The following CEP135 variants were observed in gnomAD, a reference collection of about 807,000 sequenced individuals.
The protein encoded by CEP135 is centrosomal protein 135, also known as centrosomal protein of 135 kDa.
A neutral mutation model predicts 157.3 loss-of-function variants in CEP135; 142 were observed. The observed-to-expected ratio is 0.90, with a 90% confidence interval of 0.79 to 1.04. CEP135 has a LOEUF of 1.04. Among genes scored for constraint, CEP135 ranks in the 50% least tolerant of loss-of-function variants. CEP135 has a pLI of 0.00. For missense variants in CEP135, 1,317 were observed against 1,309.2 expected, an observed-to-expected ratio of 1.01 and a Z score of -0.09; for synonymous variants, 396 against 439.8, an observed-to-expected ratio of 0.90 and a Z score of 1.25.
rs753187108 is a variant in CEP135, at chr4:55,985,376, AT to A, written c.1857+21del. ...ATCATCAGGTAATGTATCAAACTGGATTTGGGGTATCTTGTGTTATATGAAT... is the reference window on the plus strand; with the variant it reads ...ATCATCAGGTAATGTATCAAACTGGATTGGGGTATCTTGTGTTATATGAAT... On this transcript the variant is annotated intron_variant, in intron 14 of 25. Coordinates refer to ENST00000257287, the MANE Select transcript of CEP135 (RefSeq NM_025009.5). 1 of 1,411,492 alleles carries A rather than the reference AT, an allele frequency of 7.1e-7. No individual in the cohort carries two copies. The highest frequency in any genetic ancestry group is 1.4e-5 in the African/African-American group (1 of 71,244). 87.4% of individuals were successfully genotyped at this position (1,411,492 alleles called of 1,614,324 possible).
At chr4:55,965,350 A>G (rs1728808981) in intron 7 of CEP135, 2 of 262,034 alleles carry the variant, frequency 7.6e-6, no homozygotes, top group South Asian at 1.0e-4. Context: ...ATTGAACAAC[A>G]CAGTCTATTA....
rs1285875404 is a variant in CEP135, at chr4:55,974,979, C to G, written c.1473+10C>G. The G allele has an allele frequency of 1.9e-6, 3 of 1,562,720 alleles. No homozygotes were observed. The highest frequency in any genetic ancestry group is 2.7e-5 in the African/African-American group (2 of 73,252). ...TAGAACACCAGAAAAGGTAATGTCC[C>G]TTTATAAGAGTAGGCCAGAAAGTAT... On this transcript the variant is annotated intron_variant, in intron 11 of 25. Coordinates refer to ENST00000257287, the MANE Select transcript of CEP135 (RefSeq NM_025009.5).
At chr4:55,960,886 A>G (rs1404876383) in intron 6 of CEP135, 2 of 141,676 alleles carry the variant, frequency 1.4e-5, no homozygotes, top group Non-Finnish European at 3.0e-5. Flanking sequence ...AGATCCCGCC[A>G]CTGCACTCCA....
intron 14 of CEP135, among the ~76,000 whole-genome samples, chr4:55,987,801 T>C (rs1729638182): frequency 6.6e-6 from 1 of 152,164 alleles, no homozygotes; most frequent in Non-Finnish European, 1.5e-5. Context: ...GTTAAAATGT[T>C]GGAGAATAGC....
At chr4:55,964,496 G>T (rs942681457) in intron 7 of CEP135, 94 bp downstream of exon 7, 2 of 1,023,698 alleles carry the variant, frequency 2.0e-6, no homozygotes, top group Non-Finnish European at 2.6e-6. Flanking sequence ...TGTAAAAGTG[G>T]CAGGAGTTGT....
chr4:56,023,493 A>T (rs920953953), intron 24 of CEP135, among the ~76,000 whole-genome samples: 2 of 151,326 alleles, frequency 1.3e-5, no homozygotes, highest in Admixed American at 6.6e-5. Flanking sequence ...TGTAAGTTCT[A>T]CCCTCCATAG....
At position 56,011,514 on chromosome 4, in the gene CEP135, G is replaced by C. The variant is rs1577907416; in HGVS notation, c.2608G>C (p.Ala870Pro). ...TEVSRWESLM[A>P]AKEKENQDLL... is the part of the protein sequence containing the mutation. The stretch of plus-strand genomic sequence containing the variant: ...GGTGTCACGATGGGAGAGCTTAATG[G>C]CTGCCAAGGTGAAAAATATTATTTA... Residue 870 changes from alanine (A) to proline (P), a missense_variant, in exon 20 of 26, where the codon GCT becomes CCT. Ala to Pro is a conservative substitution (Grantham distance 27). Transcript: ENST00000257287. 1 of 1,596,416 alleles carries C rather than the reference G, an allele frequency of 6.3e-7. No homozygotes were observed. Among genetic ancestry groups the C allele is most frequent in the African/African-American group, 1.4e-5 (1 of 73,878 alleles).
In CEP135 at chr4:56,004,179, G is replaced by A. The variant is rs73240506; in HGVS notation, c.2281-4148G>A. The stretch of plus-strand genomic sequence containing the variant: ...TTCTTCATTGACCCATTGGTCATTC[G>A]AGAGCAACTGTTGTTTAATTTCCAT... On this transcript the variant is annotated intron_variant, in intron 17 of 25. Coordinates refer to ENST00000257287, the MANE Select transcript of CEP135 (RefSeq NM_025009.5). Among the ~76,000 whole-genome samples the A allele has an allele frequency of 5.6e-3, 848 of 152,008 alleles. 6 individuals carry two copies. Among genetic ancestry groups the A allele is most frequent in the Non-Finnish European group, 7.9e-3 (538 of 67,994 alleles).
At position 55,991,996 on chromosome 4, in the gene CEP135, G is replaced by C; in HGVS notation, c.1920G>C (p.Ser640=). The C allele has an allele frequency of 3.8e-6, 6 of 1,594,296 alleles. No individual in the cohort carries two copies. The highest frequency in any genetic ancestry group is 5.1e-6 in the Non-Finnish European group (6 of 1,165,682). The change falls in exon 15 of 26, where the codon TCG becomes TCC. Residue 640 remains serine, a synonymous_variant. Transcript: ENST00000257287. ...TAATAATGAAAGAAACAATAGAGTC[G>C]TTAGAGAACAAATTAAAAGTCCAAG... The part of the protein sequence containing the change: ...KVLIMKETIE[S]LENKLKVQAQ...
intron 6 of CEP135, 140 bp downstream of exon 6, chr4:55,959,906 T>C: frequency 1.4e-6 from 1 of 739,654 alleles, no homozygotes; most frequent in Non-Finnish European, 2.3e-6. Context: ...TTAATAGAGT[T>C]AATAGCTGGA....
At chr4:56,024,061 ATATAT>A (rs966403868) in intron 24 of CEP135, among the ~76,000 whole-genome samples, 13 of 143,178 alleles carry the variant, frequency 9.1e-5, no homozygotes, top group East Asian at 8.2e-4. Context: ...TATATGTTAC[ATATAT>A]TATATATTAT....
chr4:55,995,670 ATAAAAACCATTTAAACATG>A (rs1431543145), intron 15 of CEP135, among the ~76,000 whole-genome samples: 2 of 152,232 alleles, frequency 1.3e-5, no homozygotes, highest in Non-Finnish European at 2.9e-5. Context: ...GTTTAAACAT[ATAAAAACCATTTAAACATG>A]TAAAAACCAT....
At position 55,972,168 on chromosome 4, in the gene CEP135, A is replaced by G. The variant is rs150454074; in HGVS notation, c.1249+760A>G. On this transcript the variant is annotated intron_variant, in intron 10 of 25. Transcript: ENST00000257287. ...CCATCTCCAAAAAAAAAAAGAATTT[A>G]TTCATTCATTAATTTGACCGATGTT... 2.2e-3 allele frequency among the ~76,000 whole-genome samples: 331 copies of G among 152,166 alleles called. 2 individuals carry two copies. Among genetic ancestry groups the G allele is most frequent in the African/African-American group, 7.5e-3 (313 of 41,506 alleles).
chr4:56,017,608 G>T, intron 21 of CEP135, 40 bp from the exon 22 acceptor site: 1 of 1,491,670 alleles, frequency 6.7e-7, no homozygotes, highest in Non-Finnish European at 9.0e-7. Context: ...AAATTATTGG[G>T]TTATTTTAAC....
intron 25 of CEP135, among the ~76,000 whole-genome samples, chr4:56,028,465 AC>A (rs1373184606): frequency 1.3e-5 from 2 of 152,188 alleles, no homozygotes; most frequent in African/African-American, 4.8e-5. Flanking sequence ...ATAATTTATA[AC>A]TTTGTAATAA....
At chr4:55,977,915 G>A (rs1341885121) in intron 11 of CEP135, among the ~76,000 whole-genome samples, 1 of 152,144 alleles carries the variant, frequency 6.6e-6, no homozygotes, top group Non-Finnish European at 1.5e-5. Flanking sequence ...TAGAAAGCTA[G>A]GGTCAGTTCA....
intron 17 of CEP135, among the ~76,000 whole-genome samples, chr4:56,000,159 C>T (rs1038608668): frequency 6.6e-6 from 1 of 152,048 alleles, no homozygotes; most frequent in Non-Finnish European, 1.5e-5. Context: ...CACTGCACTC[C>T]AGCCTGGGTG....
At chr4:56,013,407 GC>G (rs1449092438) in intron 21 of CEP135, among the ~76,000 whole-genome samples, 2 of 151,590 alleles carry the variant, frequency 1.3e-5, no homozygotes, top group African/African-American at 4.8e-5. Flanking sequence ...TTCCTTTGAT[GC>G]CTATACTTGT....
rs763073286 is a variant in CEP135, at chr4:56,011,948, G to A, written c.2765G>A (p.Arg922Gln). ...LSIDTERRHL[R>Q]ERVELLEKEI... ...ATTGACACTGAGAGGAGACATCTTC[G>A]AGAAAGAGTGGAGCTATTAGAAAAA... Residue 922 changes from arginine to glutamine, a missense_variant, in exon 21 of 26, where the codon CGA becomes CAA. Arg to Gln is a conservative substitution (Grantham distance 43). Transcript: ENST00000257287. 3.2e-6 allele frequency: 5 copies of A among 1,577,082 alleles called. No individual in the cohort carries two copies. The highest frequency in any genetic ancestry group is 2.7e-5 in the African/African-American group (2 of 72,764).
Sources: allele counts gnomAD v4.1 joint callset (sites outside exome capture counted in the v4.1 genomes callset), GRCh38; gene constraint gnomAD v4.1.1; transcripts MANE v1.5; gene names NCBI Gene and HGNC (gene_info 2026-07-23, HGNC 2026-07-21).